The following HTT-AS variants were observed in gnomAD, a reference collection of about 807,000 sequenced individuals.
The protein encoded by HTT-AS is HTT antisense RNA.
At chr4:3,061,158 A>C (rs1447969965) in intron 2 of HTT-AS, among the ~76,000 whole-genome samples, 1 of 152,254 alleles carries the variant, frequency 6.6e-6, no homozygotes, top group African/African-American at 2.4e-5. Context: ...TCAGTGACAC[A>C]GCCTCAGGAA....
intron 2 of HTT-AS, among the ~76,000 whole-genome samples, chr4:3,058,657 A>G (rs1244489885): frequency 1.3e-5 from 2 of 151,568 alleles, no homozygotes; most frequent in East Asian, 3.9e-4. Context: ...CCCCGCCCCT[A>G]TTCAAGATGA....
At chr4:3,061,986 TAAAAAA>T (rs548695397) in intron 2 of HTT-AS, among the ~76,000 whole-genome samples, 3 of 63,418 alleles carry the variant, frequency 4.7e-5, no homozygotes, top group Admixed American at 2.1e-4. Context: ...TATCTCAAAT[TAAAAAA>T]AAAAAAAAAA....
chr4:3,062,596 T>C (rs1711954535), exon 2 of HTT-AS, among the ~76,000 whole-genome samples: 1 of 152,006 alleles, frequency 6.6e-6, no homozygotes, highest in Non-Finnish European at 1.5e-5. Flanking sequence ...ACTTCACTTC[T>C]CCTGTGCGCT....
rs181795964 is a variant in HTT-AS at position 3,067,339 on chromosome 4, A to G, written n.114-3639T>C. ...TGACTGAGAGGCTTCGAAACTGATG[A>G]AAGCCATCAGTTCACAAATTCAAAG... is the stretch of plus-strand genomic sequence containing the variant. On this transcript the variant is annotated intron_variant and non_coding_transcript_variant, in intron 1 of 2. Transcript: ENST00000664062. 7.2e-5 allele frequency among the ~76,000 whole-genome samples: 11 copies of G among 152,334 alleles called. No individual in the cohort carries two copies. The East Asian group carries it at 1.9e-3, about 27-fold the overall frequency.
At chr4:3,051,030 TTGTGTGTGTGTGTGTGTGTGTGTGTG>T (rs59615689) in intron 2 of HTT-AS, among the ~76,000 whole-genome samples, 10 of 122,482 alleles carry the variant, frequency 8.2e-5, no homozygotes, top group Non-Finnish European at 5.0e-5. Flanking sequence ...CCCTTACAAT[TTGTGTGTGTGTGTGTGTGTGTGTGTG>T]TGTGTGTGTG....
intron 2 of HTT-AS, among the ~76,000 whole-genome samples, chr4:3,055,890 C>A (rs1711795263): frequency 6.6e-6 from 1 of 152,170 alleles, no homozygotes; most frequent in African/African-American, 2.4e-5. Flanking sequence ...ATGTAAGAGG[C>A]CTCTAACTGG....
chr4:3,051,030 T>TTGTGTGTG (rs59615689), intron 2 of HTT-AS, among the ~76,000 whole-genome samples: 3,292 of 122,454 alleles, frequency 0.027, 104 homozygotes, highest in East Asian at 0.081. Flanking sequence ...CCCTTACAAT[T>TTGTGTGTG]TGTGTGTGTG....
chr4:3,062,742 C>T (rs1314507946), exon 2 of HTT-AS, among the ~76,000 whole-genome samples: 1 of 151,878 alleles, frequency 6.6e-6, no homozygotes, highest in African/African-American at 2.4e-5. Context: ...CAGACTCTTG[C>T]GGTTTCCCAC....
At chr4:3,071,127 G>T (rs544822237) in intron 1 of HTT-AS, among the ~76,000 whole-genome samples, 2 of 152,204 alleles carry the variant, frequency 1.3e-5, no homozygotes, top group South Asian at 4.1e-4. Context: ...GTAAAGTCCC[G>T]ATGATCCATT....
At chr4:3,068,354 C>A (rs975386006) in intron 1 of HTT-AS, among the ~76,000 whole-genome samples, 1 of 149,766 alleles carries the variant, frequency 6.7e-6, no homozygotes, top group Non-Finnish European at 1.5e-5. Flanking sequence ...GCTTCAATCT[C>A]CTGAAAGGAA....
chr4:3,074,531 G>GCGGGGA (rs1281437497), exon 1 of HTT-AS: 1 of 283,742 alleles, frequency 3.5e-6, no homozygotes, highest in African/African-American at 3.4e-5. Context: ...GGCAGAACCT[G>GCGGGGA]CGGGGGCAGG....
At chr4:3,059,706 G>A (rs981182629) in intron 2 of HTT-AS, among the ~76,000 whole-genome samples, 13 of 151,724 alleles carry the variant, frequency 8.6e-5, no homozygotes, top group African/African-American at 3.1e-4. Context: ...GAGTAGCTGG[G>A]ATTACAGGTG....
intron 2 of HTT-AS, among the ~76,000 whole-genome samples, chr4:3,056,457 T>C (rs1174348778): frequency 6.6e-6 from 1 of 152,224 alleles, no homozygotes; most frequent in Admixed American, 6.5e-5. Flanking sequence ...TGGCAAAGAC[T>C]CAGCTACTGT....
chr4:3,067,093 A>G (rs948204218), intron 1 of HTT-AS, among the ~76,000 whole-genome samples: 1 of 152,256 alleles, frequency 6.6e-6, no homozygotes, highest in Non-Finnish European at 1.5e-5. Context: ...AAACTGCAGA[A>G]TTCCAGAACT....
chr4:3,072,292 C>T (rs1002635859), intron 1 of HTT-AS, among the ~76,000 whole-genome samples: 2 of 152,264 alleles, frequency 1.3e-5, no homozygotes, highest in African/African-American at 4.8e-5. Flanking sequence ...GGCCAGAGGC[C>T]GCCTTTATGT....
chr4:3,061,545 G>C (rs1423097518), intron 2 of HTT-AS, among the ~76,000 whole-genome samples: 1 of 152,020 alleles, frequency 6.6e-6, no homozygotes, highest in Non-Finnish European at 1.5e-5. Context: ...AGCTGGGCGT[G>C]GTGGCGGGCG....
intron 2 of HTT-AS, among the ~76,000 whole-genome samples, chr4:3,053,366 C>G (rs1711748275): frequency 6.6e-6 from 1 of 152,066 alleles, no homozygotes; most frequent in Non-Finnish European, 1.5e-5. Flanking sequence ...AACCCCGTCT[C>G]CACTAAAAAT....
intron 2 of HTT-AS, among the ~76,000 whole-genome samples, chr4:3,051,030 T>TTGTGTGTGTGTGTGTGTG (rs59615689): frequency 1.6e-5 from 2 of 122,484 alleles, no homozygotes; most frequent in East Asian, 2.5e-4. Flanking sequence ...CCCTTACAAT[T>TTGTGTGTGTGTGTGTGTG]TGTGTGTGTG....
intron 2 of HTT-AS, among the ~76,000 whole-genome samples, chr4:3,058,849 AGCTGGGACTACAG>A (rs1426086743): frequency 6.6e-6 from 1 of 151,758 alleles, no homozygotes; most frequent in African/African-American, 2.4e-5. Context: ...CCTCCCGAGT[AGCTGGGACTACAG>A]GCACCCACCA....
Sources: gnomAD v4.1 joint callset for allele counts (sites outside exome capture counted in the v4.1 genomes callset) on GRCh38, gnomAD v4.1.1 for gene constraint, MANE v1.5 for transcripts, NCBI Gene and HGNC (gene_info 2026-07-23, HGNC 2026-07-21) for gene names.